SMYD3: variants seen among roughly 807,000 people sequenced by gnomAD.
SMYD3 encodes the protein SET and MYND domain containing 3, also known as histone-lysine N-methyltransferase SMYD3.
In SMYD3, 36 loss-of-function variants were observed where a neutral mutation model predicts 57.7. That is an observed-to-expected ratio of 0.62 (90% CI 0.48 to 0.82). The LOEUF (loss-of-function observed/expected upper bound fraction) is 0.82. Among genes scored for constraint, SMYD3 ranks in the 40% least tolerant of loss-of-function variants. SMYD3 has a pLI of 0.00. For missense variants in SMYD3, 515 were observed against 538.8 expected (o/e 0.96, Z 0.44); for synonymous variants, 211 against 195.0 (o/e 1.08, Z -0.68).
intron 5 of SMYD3, among the ~76,000 whole-genome samples, chr1:245,999,422 T>C (rs1056768083): frequency 6.6e-6 from 1 of 152,140 alleles, no homozygotes; most frequent in Non-Finnish European, 1.5e-5. Context: ...TTTATTATTA[T>C]CCTCATTTTA....
intron 8 of SMYD3, among the ~76,000 whole-genome samples, chr1:245,878,978 T>G (rs12068955): frequency 0.092 from 13,981 of 152,172 alleles, 1,345 homozygotes; most frequent in African/African-American, 0.25. Context: ...TGAAACCAAT[T>G]TGTATTTGTT....
chr1:246,068,713 A>G (rs1208391792), intron 5 of SMYD3, among the ~76,000 whole-genome samples: 2 of 152,240 alleles, frequency 1.3e-5, no homozygotes, highest in African/African-American at 2.4e-5. Context: ...ACTAATAAAA[A>G]CCACAATAAA....
intron 5 of SMYD3, among the ~76,000 whole-genome samples, chr1:246,194,700 T>A (rs1398277240): frequency 2.0e-5 from 3 of 151,846 alleles, no homozygotes; most frequent in Non-Finnish European, 3.0e-5. Flanking sequence ...TAAAATTAAA[T>A]TTGAAATTCA....
intron 5 of SMYD3, among the ~76,000 whole-genome samples, chr1:245,978,564 G>A (rs925126127): frequency 2.0e-5 from 3 of 152,084 alleles, no homozygotes; most frequent in African/African-American, 7.2e-5. Flanking sequence ...AAATAAGTGC[G>A]GGAGGGCGGG....
chr1:245,765,065 C>A (rs2046016299), intron 10 of SMYD3, among the ~76,000 whole-genome samples: 2 of 122,134 alleles, frequency 1.6e-5, no homozygotes, highest in African/African-American at 6.2e-5. Flanking sequence ...CACACACACA[C>A]ACACACACAC....
At chr1:245,883,726 A>T (rs1487100596) in intron 8 of SMYD3, among the ~76,000 whole-genome samples, 1 of 152,192 alleles carries the variant, frequency 6.6e-6, no homozygotes, top group East Asian at 1.9e-4. Context: ...GTAAGAATTT[A>T]GGTACAAATC....
At chr1:246,284,780 T>G (rs2064526498) in intron 5 of SMYD3, among the ~76,000 whole-genome samples, 1 of 152,200 alleles carries the variant, frequency 6.6e-6, no homozygotes, top group South Asian at 2.1e-4. Flanking sequence ...ATTTTTCTCC[T>G]TAAGGGAGTA....
intron 9 of SMYD3, among the ~76,000 whole-genome samples, chr1:245,859,606 A>G (rs552997361): frequency 4.1e-4 from 62 of 152,308 alleles, no homozygotes; most frequent in African/African-American, 1.3e-3. Flanking sequence ...AGAGTGCAGG[A>G]CCCTGGGACC....
At chr1:246,036,410 C>T (rs1326245466) in intron 5 of SMYD3, among the ~76,000 whole-genome samples, 1 of 152,188 alleles carries the variant, frequency 6.6e-6, no homozygotes, top group African/African-American at 2.4e-5. Context: ...CATCCAATTT[C>T]ATCATTTCTT....
chr1:246,071,468 G>A (rs1344369538), intron 5 of SMYD3, among the ~76,000 whole-genome samples: 1 of 152,114 alleles, frequency 6.6e-6, no homozygotes, highest in African/African-American at 2.4e-5. Flanking sequence ...CAAAATTTCA[G>A]ACTTATTTAT....
chr1:246,152,202 C>T lies in SMYD3; in HGVS notation c.531+174999G>A, dbSNP rs34182360. ...GAGGCTCCCGGCAGGCAGCCCACATCCAGAGGAGAGAAAAGGCAGCCTGGG... is the reference window on the plus strand; with the variant it reads ...GAGGCTCCCGGCAGGCAGCCCACATTCAGAGGAGAGAAAAGGCAGCCTGGG... On this transcript the variant is annotated intron_variant, in intron 5 of 11. Coordinates refer to ENST00000490107, the MANE Select transcript of SMYD3 (RefSeq NM_001167740.2). 7.0e-3 allele frequency among the ~76,000 whole-genome samples: 1,060 copies of T among 152,214 alleles called. 13 individuals are homozygous for T. The highest frequency in any genetic ancestry group is 9.5e-3 in the South Asian group (46 of 4,822).
Position 245,940,590 on chromosome 1 carries a change from A to C in SMYD3, c.532-10653T>G, listed in dbSNP as rs566571271. On this transcript the variant is annotated intron_variant, in intron 5 of 11. Transcript: ENST00000490107. Reference sequence around the variant, plus strand: ...AAAAACAAAACAAAACAAAACAAAAAAAAACAGAAAGCACCACTACCACCG... The same window carrying C: ...AAAAACAAAACAAAACAAAACAAAACAAAACAGAAAGCACCACTACCACCG... Among the ~76,000 whole-genome samples the C allele has an allele frequency of 4.4e-4, 51 of 116,158 alleles. No individual in the cohort carries two copies. In the South Asian group the frequency reaches 0.011, roughly 24 times the overall value. 76.2% of individuals were successfully genotyped at this position (116,158 alleles called of 152,430 possible).
At chr1:246,458,343 T>A (rs1277832473) in intron 1 of SMYD3, among the ~76,000 whole-genome samples, 1 of 151,720 alleles carries the variant, frequency 6.6e-6, no homozygotes, top group Non-Finnish European at 1.5e-5. Flanking sequence ...AACTGAAGAC[T>A]AATTCTGAAG....
At chr1:245,752,531 C>A (rs1427881277) in intron 11 of SMYD3, among the ~76,000 whole-genome samples, 1 of 152,260 alleles carries the variant, frequency 6.6e-6, no homozygotes, top group African/African-American at 2.4e-5. Context: ...TTTGAACATA[C>A]TACAGGCTCC....
At chr1:246,319,628 T>C (rs1347356163) in intron 5 of SMYD3, among the ~76,000 whole-genome samples, 1 of 152,142 alleles carries the variant, frequency 6.6e-6, no homozygotes, top group African/African-American at 2.4e-5. Context: ...AATCTGGTCC[T>C]ACATGAACTT....
intron 1 of SMYD3, among the ~76,000 whole-genome samples, chr1:246,445,826 G>A (rs1243687107): frequency 6.7e-6 from 1 of 150,374 alleles, no homozygotes; most frequent in Non-Finnish European, 1.5e-5. Flanking sequence ...TGGGACCGGA[G>A]CTTTGCCTTT....
At chr1:246,157,532 C>T (rs1307102279) in intron 5 of SMYD3, among the ~76,000 whole-genome samples, 1 of 152,168 alleles carries the variant, frequency 6.6e-6, no homozygotes, top group African/African-American at 2.4e-5. Flanking sequence ...TGTCCTTTGT[C>T]AGATGCAAAA....
At chr1:246,419,715 T>C (rs1222539543) in intron 1 of SMYD3, among the ~76,000 whole-genome samples, 2 of 152,210 alleles carry the variant, frequency 1.3e-5, no homozygotes, top group African/African-American at 4.8e-5. Flanking sequence ...ACTAACCCTA[T>C]TGTGAACTGC....
chr1:246,288,220 T>C (rs777063663), intron 5 of SMYD3, among the ~76,000 whole-genome samples: 4 of 151,814 alleles, frequency 2.6e-5, no homozygotes, highest in Non-Finnish European at 4.4e-5. Flanking sequence ...ATTACAGGTG[T>C]GTACCACCAC....
Sources: gnomAD v4.1 joint callset for allele counts (sites outside exome capture counted in the v4.1 genomes callset) on GRCh38, gnomAD v4.1.1 for gene constraint, MANE v1.5 for transcripts, NCBI Gene and HGNC (gene_info 2026-07-23, HGNC 2026-07-21) for gene names.